TLE1: variants seen among roughly 807,000 people sequenced by gnomAD.
TLE1 encodes TLE family member 1, transcriptional corepressor, also known as transducin-like enhancer protein 1.
TLE1 carries 21 observed loss-of-function variants against 89.8 expected under a neutral mutation model. The ratio of observed to expected loss-of-function variants is 0.23; its 90% CI spans 0.17 to 0.34. The LOEUF is 0.34. Ranked by LOEUF, TLE1 falls within the 10% of genes least tolerant of loss-of-function variation. The probability of loss-of-function intolerance (pLI) is 1.00; values close to 1 mark genes in which losing one functional copy is unlikely to be tolerated. For synonymous variants in TLE1, 447 were observed against 407.6 expected, an observed-to-expected ratio of 1.10 and a Z score of -1.16; for missense variants, 795 against 1,031.2, an observed-to-expected ratio of 0.77 and a Z score of 3.14.
At chr9:81,614,154 C>T (rs1824103464) in intron 11 of TLE1, among the ~76,000 whole-genome samples, 1 of 152,036 alleles carries the variant, frequency 6.6e-6, no homozygotes. Context: ...GTGATCCACC[C>T]GCCTTGGCCT....
chr9:81,599,645 C>G (rs1830662547), intron 14 of TLE1, among the ~76,000 whole-genome samples: 1 of 152,100 alleles, frequency 6.6e-6, no homozygotes, highest in South Asian at 2.1e-4. Flanking sequence ...ATGGGTAAAA[C>G]CTTCCTCTGT....
At chr9:81,589,769 A>G (rs74534857) in intron 16 of TLE1, among the ~76,000 whole-genome samples, 1 of 152,360 alleles carries the variant, frequency 6.6e-6, no homozygotes, top group African/African-American at 2.4e-5. Context: ...AAAAAAAGAA[A>G]AAAACAAGTA....
At chr9:81,637,915 G>A (rs967862159) in intron 6 of TLE1, among the ~76,000 whole-genome samples, 1 of 152,132 alleles carries the variant, frequency 6.6e-6, no homozygotes, top group Non-Finnish European at 1.5e-5. Flanking sequence ...AAGCCAAGAG[G>A]CTTGCTACAG....
At chr9:81,617,366 G>A (rs1756348827) in intron 9 of TLE1, among the ~76,000 whole-genome samples, 1 of 152,180 alleles carries the variant, frequency 6.6e-6, no homozygotes, top group Non-Finnish European at 1.5e-5. Flanking sequence ...ACTAATCAGA[G>A]GAAACTCCAA....
Position 81,613,465 on chromosome 9 carries a change from G to A in TLE1, c.975C>T (p.Asp325=), listed in dbSNP as rs780887683. The part of the protein sequence containing the change: ...LKSSTPTPRS[D]MPTPGTSATP... ...TGGCGCTGGTGCCCGGCGTTGGCAT[G>A]TCGCTCCGAGGCGTTGGTGTGCTGG... The change falls in exon 12 of 20, where the codon GAC becomes GAT. Residue 325 remains aspartate, a synonymous_variant. Coordinates refer to ENST00000376499, the MANE Select transcript of TLE1 (RefSeq NM_005077.5). 2.5e-6 allele frequency: 4 copies of A among 1,614,220 alleles called. No individual in the cohort carries two copies. Among genetic ancestry groups the A allele is most frequent in the Admixed American group, 1.7e-5 (1 of 60,026 alleles).
chr9:81,605,625 G>A (rs938934268), intron 14 of TLE1, among the ~76,000 whole-genome samples: 2 of 149,286 alleles, frequency 1.3e-5, no homozygotes, highest in Non-Finnish European at 1.5e-5. Flanking sequence ...AATTCAAGAT[G>A]GATTAAAGAT....
intron 8 of TLE1, among the ~76,000 whole-genome samples, chr9:81,621,861 C>T (rs1414902847): frequency 6.6e-6 from 1 of 152,138 alleles, no homozygotes; most frequent in African/African-American, 2.4e-5. Context: ...CAGGGACTGA[C>T]TCTAGAGGAG....
At chr9:81,651,612 T>C (rs935267114) in intron 6 of TLE1, among the ~76,000 whole-genome samples, 23 of 152,296 alleles carry the variant, frequency 1.5e-4, no homozygotes, top group South Asian at 8.3e-4. Flanking sequence ...AACAGTTCTA[T>C]AGGTTCGAAT....
chr9:81,680,129 G>A (rs886573698), intron 4 of TLE1, among the ~76,000 whole-genome samples: 2 of 152,192 alleles, frequency 1.3e-5, no homozygotes, highest in African/African-American at 2.4e-5. Context: ...CCCACCATGC[G>A]AGGGAACAAA....
chr9:81,642,757 T>G (rs938954557), intron 6 of TLE1, among the ~76,000 whole-genome samples: 1 of 152,002 alleles, frequency 6.6e-6, no homozygotes, highest in East Asian at 1.9e-4. Flanking sequence ...GAAATCAGTA[T>G]ATCAAAGATA....
chr9:81,599,195 T>TA (rs1410464070), intron 14 of TLE1, among the ~76,000 whole-genome samples: 4 of 152,262 alleles, frequency 2.6e-5, no homozygotes, highest in South Asian at 4.1e-4. Flanking sequence ...CACTATCCCT[T>TA]ACTGTTTAGA....
chr9:81,672,115 G>C (rs1298904751), intron 4 of TLE1, among the ~76,000 whole-genome samples: 1 of 152,168 alleles, frequency 6.6e-6, no homozygotes, highest in Admixed American at 6.5e-5. Flanking sequence ...GAGCTTCTCA[G>C]CACACCCAGA....
intron 2 of TLE1, 37 bp from the exon 3 acceptor site, chr9:81,685,933 A>C (rs765473779): frequency 6.2e-7 from 1 of 1,607,548 alleles, no homozygotes; most frequent in Non-Finnish European, 8.5e-7. Context: ...TGTAAACATT[A>C]TGTCACTTGT....
chr9:81,686,012 A>C lies in TLE1; in HGVS notation c.126-116T>G, dbSNP rs1834224387. On this transcript the variant is annotated intron_variant, in intron 2 of 19. Coordinates refer to ENST00000376499, the MANE Select transcript of TLE1 (RefSeq NM_005077.5). ...GACCAATTTGGAAAAGCCATAAACT[A>C]TCTAGGTAAACACCCAAAAGCTTTG... is the stretch of plus-strand genomic sequence containing the variant. 1.9e-5 allele frequency: 20 copies of C among 1,053,528 alleles called. No homozygotes were observed. In the South Asian group the frequency reaches 2.8e-4, roughly 15 times the overall value. The allele number at this position is 1,053,528 out of a possible 1,614,324, so 65.3% of individuals were successfully genotyped here.
Position 81,584,009 on chromosome 9 carries a change from T to C in TLE1, c.*189A>G. 1.7e-6 allele frequency: 1 copy of C among 603,522 alleles called. No individual in the cohort carries two copies. The highest frequency in any genetic ancestry group is 1.9e-5 in the African/African-American group (1 of 53,970). The allele number at this position is 603,522 out of a possible 1,614,324, so 37.4% of individuals were successfully genotyped here. A position where few individuals can be genotyped will look rare whatever the true frequency, so the allele number is the denominator to read the frequency against. On this transcript the variant is annotated 3_prime_UTR_variant, in exon 20 of 20. Transcript: ENST00000376499. ...TGGCCTTGGTGCTCCATTTGGTCTATGTAGACAGGTGACTTTCTGCTGATG... is the reference window on the plus strand; with the variant it reads ...TGGCCTTGGTGCTCCATTTGGTCTACGTAGACAGGTGACTTTCTGCTGATG...
chr9:81,661,841 C>T (rs1588162057), intron 4 of TLE1, among the ~76,000 whole-genome samples: 1 of 152,224 alleles, frequency 6.6e-6, no homozygotes, highest in East Asian at 1.9e-4. Flanking sequence ...GTAGGTCATT[C>T]AGGAAGTTAA....
chr9:81,675,703 T>TTTTTTTTTC (rs1554701853), intron 4 of TLE1, among the ~76,000 whole-genome samples: 1 of 140,968 alleles, frequency 7.1e-6, no homozygotes, highest in Non-Finnish European at 1.5e-5. Context: ...CACTAGTTTT[T>TTTTTTTTTC]TTTTGTTTTT....
intron 8 of TLE1, among the ~76,000 whole-genome samples, chr9:81,626,268 G>C (rs942173804): frequency 2.0e-5 from 3 of 152,010 alleles, no homozygotes; most frequent in African/African-American, 7.3e-5. Context: ...CACTAAGGCA[G>C]TAGGAACCTA....
intron 6 of TLE1, 76 bp downstream of exon 6, chr9:81,652,138 C>CACA: frequency 7.1e-7 from 1 of 1,417,544 alleles, no homozygotes; most frequent in Non-Finnish European, 9.9e-7. Context: ...CACACACACA[C>CACA]GTAAAGCCAT....
Sources: allele counts gnomAD v4.1 joint callset (sites outside exome capture counted in the v4.1 genomes callset), GRCh38; gene constraint gnomAD v4.1.1; transcripts MANE v1.5; gene names NCBI Gene and HGNC (gene_info 2026-07-23, HGNC 2026-07-21).